Variants in DOCK2 observed in about 807,000 individuals in gnomAD.
DOCK2 encodes dedicator of cytokinesis protein 2.
A neutral mutation model predicts 248.9 loss-of-function variants in DOCK2; 87 were observed. The ratio of observed to expected loss-of-function variants is 0.35; its 90% CI spans 0.29 to 0.42. The LOEUF is 0.42. DOCK2 is among the 10% of genes least tolerant of loss of function. DOCK2 has a pLI of 1.00. For synonymous variants in DOCK2, 805 were observed against 821.6 expected (o/e 0.98, Z 0.35); for missense variants, 1,747 against 2,300.2 (o/e 0.76, Z 4.92).
At chr5:169,998,841 C>A (rs1285336938) in intron 30 of DOCK2, among the ~76,000 whole-genome samples, 1 of 152,186 alleles carries the variant, frequency 6.6e-6, no homozygotes, top group Non-Finnish European at 1.5e-5. Context: ...CAAAGCATAT[C>A]TCTTTAGCTG....
At chr5:170,011,127 A>G (rs1755274409) in intron 32 of DOCK2, among the ~76,000 whole-genome samples, 1 of 152,202 alleles carries the variant, frequency 6.6e-6, no homozygotes, top group Non-Finnish European at 1.5e-5. Flanking sequence ...CTTAATAAGT[A>G]AATTGGATGA....
At chr5:169,682,942 ATGT>A (rs764849220) in intron 7 of DOCK2, among the ~76,000 whole-genome samples, 2 of 152,152 alleles carry the variant, frequency 1.3e-5, no homozygotes, top group Non-Finnish European at 2.9e-5. Context: ...TTTGAGGTTT[ATGT>A]TGTTGTGCAT....
At chr5:169,686,385 G>A (rs903012142) in intron 8 of DOCK2, among the ~76,000 whole-genome samples, 11 of 152,292 alleles carry the variant, frequency 7.2e-5, no homozygotes, top group East Asian at 5.8e-4. Flanking sequence ...GCTCCCTGCC[G>A]TGCCACCTGG....
At chr5:169,818,632 CT>C (rs1323268279) in intron 26 of DOCK2, among the ~76,000 whole-genome samples, 1 of 152,124 alleles carries the variant, frequency 6.6e-6, no homozygotes, top group Non-Finnish European at 1.5e-5. Context: ...AATGATGTCT[CT>C]TTTTAGCCTT....
chr5:169,644,704 A>T (rs1050645965), intron 1 of DOCK2, among the ~76,000 whole-genome samples: 1 of 151,260 alleles, frequency 6.6e-6, no homozygotes, highest in Non-Finnish European at 1.5e-5. Flanking sequence ...TACATGTGCC[A>T]TGGTGGTTTG....
chr5:169,845,511 A>C (rs1419489152), intron 27 of DOCK2, among the ~76,000 whole-genome samples: 1 of 152,338 alleles, frequency 6.6e-6, no homozygotes, highest in Non-Finnish European at 1.5e-5. Context: ...TGAAGGCACT[A>C]ATGAAATGAA....
intron 29 of DOCK2, among the ~76,000 whole-genome samples, chr5:169,995,442 T>C (rs1051358726): frequency 2.0e-5 from 3 of 152,048 alleles, no homozygotes; most frequent in African/African-American, 7.3e-5. Context: ...CAGAAAAAAC[T>C]GAGAAAAAAA....
chr5:169,890,753 G>T (rs1773233584), intron 27 of DOCK2, among the ~76,000 whole-genome samples: 1 of 152,118 alleles, frequency 6.6e-6, no homozygotes, highest in Non-Finnish European at 1.5e-5. Flanking sequence ...TGTGCTGATT[G>T]TGAAATCTTG....
At position 170,077,824 on chromosome 5, in the gene DOCK2, C is replaced by G. The variant is rs746328686; in HGVS notation, c.4981C>G (p.Pro1661Ala). 1 of 1,613,158 alleles carries G rather than the reference C, an allele frequency of 6.2e-7. No homozygotes were observed. Among genetic ancestry groups the G allele is most frequent in the Non-Finnish European group, 8.5e-7 (1 of 1,179,908 alleles). The change falls in exon 48 of 52, where the codon CCT becomes GCT. Residue 1661 changes from proline to alanine, a missense_variant. Coordinates refer to ENST00000520908, the MANE Select transcript of DOCK2 (RefSeq NM_004946.3). ...MNSDCSTPSK[P>A]TSESFDLELA... is the part of the protein sequence containing the mutation. ...TTCTGACTGCAGCACCCCCAGCAAG[C>G]CTACCTCAGAGAGGTCAGTCCCTGC...
chr5:169,908,146 C>G (rs919542487), intron 27 of DOCK2, among the ~76,000 whole-genome samples: 1 of 152,136 alleles, frequency 6.6e-6, no homozygotes, highest in Non-Finnish European at 1.5e-5. Flanking sequence ...GGTTCAAGTT[C>G]ACTAATGCCA....
At chr5:169,907,884 C>CA (rs1308746234) in intron 27 of DOCK2, among the ~76,000 whole-genome samples, 1 of 152,168 alleles carries the variant, frequency 6.6e-6, no homozygotes, top group African/African-American at 2.4e-5. Flanking sequence ...AAACATCCTA[C>CA]AACACACAGG....
intron 27 of DOCK2, among the ~76,000 whole-genome samples, chr5:169,842,502 C>G (rs746867517): frequency 6.6e-6 from 1 of 152,122 alleles, no homozygotes; most frequent in Non-Finnish European, 1.5e-5. Context: ...GGACTACCAG[C>G]GTGTGCCACC....
chr5:169,996,906 G>A (rs191643640), intron 30 of DOCK2, among the ~76,000 whole-genome samples: 48 of 152,270 alleles, frequency 3.2e-4, no homozygotes, highest in African/African-American at 9.6e-4. Context: ...CACACCTGTG[G>A]GTGTTTCTCG....
chr5:169,666,601 T>G (rs914187760), intron 2 of DOCK2, among the ~76,000 whole-genome samples: 3 of 152,326 alleles, frequency 2.0e-5, no homozygotes, highest in East Asian at 1.9e-4. Flanking sequence ...TAGATAGATA[T>G]AGCTGATTGG....
chr5:169,692,366 T>C (rs934607696), intron 9 of DOCK2, among the ~76,000 whole-genome samples: 1 of 152,216 alleles, frequency 6.6e-6, no homozygotes, highest in African/African-American at 2.4e-5. Flanking sequence ...TTTCGAGTTT[T>C]GTAAGGCCGA....
intron 24 of DOCK2, 176 bp from the exon 25 acceptor site, chr5:169,761,343 T>C (rs773563247): frequency 3.3e-6 from 2 of 606,718 alleles, no homozygotes; most frequent in Non-Finnish European, 5.9e-6. Context: ...ATGCTACTAA[T>C]ATTCTATACC....
chr5:169,937,491 T>C (rs1392409221), intron 27 of DOCK2, among the ~76,000 whole-genome samples: 1 of 152,182 alleles, frequency 6.6e-6, no homozygotes, highest in African/African-American at 2.4e-5. Flanking sequence ...GCTTGGCACA[T>C]AGTAAGTGTT....
chr5:170,000,561 C>G (rs2113802181), intron 30 of DOCK2: 1 of 152,344 alleles, frequency 6.6e-6, no homozygotes, highest in Middle Eastern at 3.4e-3. Context: ...TCTGCCCTTT[C>G]TAGTTCTTAC....
At chr5:169,723,001 G>A (rs1441463099) in intron 22 of DOCK2, among the ~76,000 whole-genome samples, 3 of 152,200 alleles carry the variant, frequency 2.0e-5, no homozygotes, top group African/African-American at 4.8e-5. Context: ...GATTCTGTGT[G>A]TTGCTCTTAT....
Sources: gnomAD v4.1 joint callset for allele counts (sites outside exome capture counted in the v4.1 genomes callset) on GRCh38, gnomAD v4.1.1 for gene constraint, MANE v1.5 for transcripts, NCBI Gene and HGNC (gene_info 2026-07-23, HGNC 2026-07-21) for gene names.